The following ABL1 variants were observed in gnomAD, a reference collection of about 807,000 sequenced individuals.
ABL1 encodes the protein tyrosine-protein kinase ABL1.
A neutral mutation model predicts 94.7 loss-of-function variants in ABL1; 11 were observed. The ratio of observed to expected loss-of-function variants is 0.12; its 90% CI spans 0.07 to 0.19. The LOEUF is 0.19. Among genes scored for constraint, ABL1 ranks in the 10% least tolerant of loss-of-function variants. ABL1 has a pLI of 1.00. For synonymous variants in ABL1, 656 were observed against 622.4 expected (o/e 1.05, Z -0.80); for missense variants, 1,082 against 1,489.4 (o/e 0.73, Z 4.50).
chr9:130,800,685 C>T (rs1387098474), intron 1 of ABL1, among the ~76,000 whole-genome samples: 1 of 151,976 alleles, frequency 6.6e-6, no homozygotes, highest in Non-Finnish European at 1.5e-5. Context: ...TTACTCTTAG[C>T]ATCATTTTTT....
chr9:130,802,558 T>G (rs1830070217), intron 1 of ABL1, among the ~76,000 whole-genome samples: 1 of 152,240 alleles, frequency 6.6e-6, no homozygotes, highest in Non-Finnish European at 1.5e-5. Flanking sequence ...TTAATTATTT[T>G]TTGTTGTTCC....
intron 4 of ABL1, among the ~76,000 whole-genome samples, chr9:130,870,422 A>T (rs1437333162): frequency 6.6e-6 from 1 of 151,760 alleles, no homozygotes; most frequent in African/African-American, 2.4e-5. Context: ...AAACAGAAAA[A>T]CCCCACTTGC....
intron 1 of ABL1, among the ~76,000 whole-genome samples, chr9:130,730,606 C>A (rs1042382750): frequency 6.7e-5 from 10 of 149,640 alleles, no homozygotes; most frequent in Non-Finnish European, 1.2e-4. Context: ...GAGTCTTATT[C>A]TGTTGCCCAG....
At chr9:130,725,734 T>C (rs1434478595) in intron 1 of ABL1, among the ~76,000 whole-genome samples, 2 of 151,858 alleles carry the variant, frequency 1.3e-5, no homozygotes, top group Non-Finnish European at 2.9e-5. Flanking sequence ...GAATTTCTTC[T>C]TTTTTAAGGC....
chr9:130,845,915 G>T (rs1588264512), intron 1 of ABL1, among the ~76,000 whole-genome samples: 1 of 151,440 alleles, frequency 6.6e-6, no homozygotes, highest in African/African-American at 2.4e-5. Flanking sequence ...GACTTTTGCT[G>T]TTGAGTCTGT....
chr9:130,718,595 T>G (rs1285273475), intron 1 of ABL1, among the ~76,000 whole-genome samples: 4 of 152,160 alleles, frequency 2.6e-5, no homozygotes, highest in Non-Finnish European at 4.4e-5. Flanking sequence ...ATTAAAAAGT[T>G]TGAGGCCAGG....
chr9:130,728,483 T>C lies in ABL1; in HGVS notation c.136+14028T>C, dbSNP rs201981784. On this transcript the variant is annotated intron_variant, in intron 1 of 10. Coordinates refer to the ABL1 transcript ENST00000372348. ...TCACTACAAGCTCCACCTCCTGGGT[T>C]CATGCCATTCTCCTGCCTCAGCCTC... is the stretch of plus-strand genomic sequence containing the variant. 5.4e-4 allele frequency among the ~76,000 whole-genome samples: 82 copies of C among 151,508 alleles called. 1 individual carries two copies. The East Asian group carries it at 8.7e-3, about 16-fold the overall frequency.
chr9:130,714,768 T>C, intron 1 of ABL1, among the ~76,000 whole-genome samples: 1 of 152,214 alleles, frequency 6.6e-6, no homozygotes, highest in East Asian at 1.9e-4. Flanking sequence ...AGTGGTTTCT[T>C]AGGGTCCCTG....
At chr9:130,788,034 A>G (rs1187428286) in intron 1 of ABL1, among the ~76,000 whole-genome samples, 2 of 152,148 alleles carry the variant, frequency 1.3e-5, no homozygotes, top group Non-Finnish European at 2.9e-5. Flanking sequence ...AAGCAAGGGG[A>G]GTAGAACTCT....
intron 4 of ABL1, among the ~76,000 whole-genome samples, chr9:130,864,960 A>T (rs1025086655): frequency 6.6e-6 from 1 of 152,208 alleles, no homozygotes; most frequent in African/African-American, 2.4e-5. Flanking sequence ...CGGGTTGTAC[A>T]ACTTGACATT....
In ABL1 at chr9:130,797,204, C is replaced by T. The variant is rs1408109354; in HGVS notation, c.137-56860C>T. Among the ~76,000 whole-genome samples the T allele has an allele frequency of 6.8e-5, 8 of 117,432 alleles. No homozygotes were observed. In the East Asian group the frequency reaches 1.5e-3, roughly 23 times the overall value. The allele number at this position is 117,432 out of a possible 152,430, so 77.0% of individuals were successfully genotyped here. A position where few individuals can be genotyped will look rare whatever the true frequency, so the allele number is the denominator to read the frequency against. ...TGAGCCGAGATCGCGCCACTGCATT[C>T]GAGCCTGGGCGACAGAGTGAGACTC... is the stretch of plus-strand genomic sequence containing the variant. On this transcript the variant is annotated intron_variant, in intron 1 of 10. Transcript: ENST00000372348.
In ABL1 at chr9:130,878,874, A is replaced by ATT. The variant is rs943552961; in HGVS notation, c.1423+326_1423+327dup. ...CTATAGTAGCTAAGCTCATGAGGTG[A>ATT]TTTTTTTTTTTTTTTTTTTTGAGAC... On this transcript the variant is annotated intron_variant, in intron 8 of 10. Coordinates refer to ENST00000318560, the MANE Select transcript of ABL1 (RefSeq NM_005157.6). Among the ~76,000 whole-genome samples the ATT allele has an allele frequency of 4.0e-3, 511 of 127,270 alleles. 4 individuals are homozygous for ATT. Among genetic ancestry groups the ATT allele is most frequent in the South Asian group, 0.02 (78 of 3,974 alleles). 83.5% of individuals were successfully genotyped at this position (127,270 alleles called of 152,430 possible). A position where few individuals can be genotyped will look rare whatever the true frequency, so the allele number is the denominator to read the frequency against.
intron 1 of ABL1, among the ~76,000 whole-genome samples, chr9:130,850,170 T>C (rs536168902): frequency 2.6e-5 from 4 of 152,366 alleles, no homozygotes; most frequent in South Asian, 2.1e-4. Flanking sequence ...CTTTCAGATA[T>C]AGCTGTTGTT....
chr9:130,886,028 G>A lies in ABL1; in HGVS notation c.*345G>A. 1 of 298,944 alleles carries A rather than the reference G, an allele frequency of 3.3e-6. No homozygotes were observed. Among genetic ancestry groups the A allele is most frequent in the Non-Finnish European group, 6.2e-6 (1 of 160,916 alleles). The allele number at this position is 298,944 out of a possible 1,614,324, so 18.5% of individuals were successfully genotyped here. A position where few individuals can be genotyped will look rare whatever the true frequency, so the allele number is the denominator to read the frequency against. ...CAGGCCAGGTGGGAACGGCTGATGTGGACTGTCTTTTTCATTTTTTTCTCT... is the reference window on the plus strand; with the variant it reads ...CAGGCCAGGTGGGAACGGCTGATGTAGACTGTCTTTTTCATTTTTTTCTCT... On this transcript the variant is annotated 3_prime_UTR_variant, in exon 11 of 11. Transcript: ENST00000318560.
chr9:130,729,477 G>A (rs888226183), intron 1 of ABL1, among the ~76,000 whole-genome samples: 3 of 152,148 alleles, frequency 2.0e-5, no homozygotes, highest in Non-Finnish European at 4.4e-5. Flanking sequence ...CACAGAGATG[G>A]CTGCTGTCAG....
intron 1 of ABL1, among the ~76,000 whole-genome samples, chr9:130,715,649 A>C (rs1012834297): frequency 2.7e-4 from 41 of 152,344 alleles, no homozygotes; most frequent in African/African-American, 9.9e-4. Context: ...AATTATTTAC[A>C]TTTTAACTAG....
At chr9:130,787,548 C>T (rs77915876) in intron 1 of ABL1, among the ~76,000 whole-genome samples, 4,288 of 152,190 alleles carry the variant, frequency 0.028, 203 homozygotes, top group African/African-American at 0.097. Flanking sequence ...CTTGCCCTTC[C>T]CCCAGTGGAT....
At chr9:130,846,689 G>A (rs994697096) in intron 1 of ABL1, among the ~76,000 whole-genome samples, 1 of 152,224 alleles carries the variant, frequency 6.6e-6, no homozygotes, top group Non-Finnish European at 1.5e-5. Flanking sequence ...TTTCCTGGAG[G>A]TCAAGTCCCC....
chr9:130,840,235 G>C (rs1466963715), intron 1 of ABL1, among the ~76,000 whole-genome samples: 1 of 152,164 alleles, frequency 6.6e-6, no homozygotes, highest in African/African-American at 2.4e-5. Flanking sequence ...AGTGTGTTTT[G>C]ATGCGTATAA....
Sources: allele counts gnomAD v4.1 joint callset (sites outside exome capture counted in the v4.1 genomes callset), GRCh38; gene constraint gnomAD v4.1.1; transcripts MANE v1.5; gene names NCBI Gene and HGNC (gene_info 2026-07-23, HGNC 2026-07-21).